GARIN1A: variants seen among roughly 807,000 people sequenced by gnomAD.
GARIN1A encodes golgi associated RAB2 interactor 1A.
chr7:128,702,319 A>G, the GARIN1A span, among the ~76,000 whole-genome samples: 1 of 152,234 alleles, frequency 6.6e-6, no homozygotes, highest in Admixed American at 6.5e-5. Flanking sequence ...TAGTGGCAAT[A>G]TATTATAGGT....
the GARIN1A span, among the ~76,000 whole-genome samples, chr7:128,696,776 G>GA: frequency 6.6e-6 from 1 of 152,340 alleles, no homozygotes; most frequent in Non-Finnish European, 1.5e-5. Context: ...ACCATGGCTG[G>GA]AGGGCACTAA....
the GARIN1A span, among the ~76,000 whole-genome samples, chr7:128,705,755 C>T: frequency 6.8e-6 from 1 of 148,116 alleles, no homozygotes; most frequent in African/African-American, 2.5e-5. Flanking sequence ...ACCTCCACCT[C>T]CCGGGCTCAG....
chr7:128,686,238 C>A, the GARIN1A span: 1 of 152,016 alleles, frequency 6.6e-6, no homozygotes, highest in Non-Finnish European at 1.5e-5. Flanking sequence ...AAAATAGTAA[C>A]CCCAATTGGT....
chr7:128,683,243 G>A, the GARIN1A span: 1 of 1,057,926 alleles, frequency 9.5e-7, no homozygotes, highest in Non-Finnish European at 1.3e-6. Context: ...TGAGCCAAGT[G>A]ACCTTGGGAG....
chr7:128,671,645 CAAA>C, the GARIN1A span, among the ~76,000 whole-genome samples: 22 of 120,204 alleles, frequency 1.8e-4, no homozygotes, highest in East Asian at 2.5e-4. Flanking sequence ...AACTCTGTCT[CAAA>C]AAAAAAAAAA....
chr7:128,686,951 C>T, the GARIN1A span: 2 of 152,206 alleles, frequency 1.3e-5, no homozygotes, highest in African/African-American at 4.8e-5. Flanking sequence ...TGACTAGACC[C>T]CTGCCTCTCT....
At chr7:128,707,323 A>C in the GARIN1A span, among the ~76,000 whole-genome samples, 1 of 151,992 alleles carries the variant, frequency 6.6e-6, no homozygotes, top group Non-Finnish European at 1.5e-5. Context: ...AGTGGTAGGC[A>C]TGATGCCTCA....
At chr7:128,675,802 A>G in the GARIN1A span, 1 of 1,613,678 alleles carries the variant, frequency 6.2e-7, no homozygotes, top group Non-Finnish European at 8.5e-7. Flanking sequence ...ACCTGGCCCC[A>G]GGGTCCATTT....
chr7:128,699,260 G>GCAC, the GARIN1A span, among the ~76,000 whole-genome samples: 1 of 105,016 alleles, frequency 9.5e-6, no homozygotes, highest in Non-Finnish European at 2.0e-5. Flanking sequence ...CATACCTGCT[G>GCAC]CCCCCCCCCC....
At chr7:128,695,208 AC>A in the GARIN1A span, among the ~76,000 whole-genome samples, 2 of 152,046 alleles carry the variant, frequency 1.3e-5, no homozygotes, top group Non-Finnish European at 2.9e-5. This position sits in a 1 kb window ranked among gnomAD's most constrained non-coding sequence, Gnocchi z 4.5. Flanking sequence ...GCCACTGTCC[AC>A]CCTCCACCAT....
chr7:128,684,414 G>A, the GARIN1A span: 40 of 152,080 alleles, frequency 2.6e-4, no homozygotes, highest in Non-Finnish European at 4.0e-4. Context: ...TCAGGACTTC[G>A]AGACCAGCCT....
chr7:128,694,673 T>C, the GARIN1A span, among the ~76,000 whole-genome samples: 4 of 152,256 alleles, frequency 2.6e-5, no homozygotes, highest in Admixed American at 2.6e-4. Context: ...TTTTCCTCTC[T>C]GAGCATAAGA....
the GARIN1A span, chr7:128,708,920 C>G: frequency 2.6e-5 from 4 of 152,192 alleles, no homozygotes; most frequent in Non-Finnish European, 5.9e-5. Context: ...CATGGCCACC[C>G]AGTGAAAAGC....
chr7:128,690,916 T>C, the GARIN1A span: 4 of 152,212 alleles, frequency 2.6e-5, no homozygotes, highest in East Asian at 5.8e-4. Flanking sequence ...AAAGATCAAA[T>C]TGATGGAATA....
At chr7:128,672,548 C>A in the GARIN1A span, 1 of 1,606,004 alleles carries the variant, frequency 6.2e-7, no homozygotes, top group Non-Finnish European at 8.5e-7. Flanking sequence ...CAACTTTATC[C>A]AGGTACCCTC....
At chr7:128,677,437 G>T in the GARIN1A span, 2 of 1,052,626 alleles carry the variant, frequency 1.9e-6, no homozygotes, top group Admixed American at 6.8e-5. Context: ...AACCCCGGGG[G>T]CAGAGCCTGC....
the GARIN1A span, among the ~76,000 whole-genome samples, chr7:128,675,282 TCC>T: frequency 3.9e-5 from 6 of 152,310 alleles, no homozygotes; most frequent in Middle Eastern, 3.4e-3. Context: ...AACAGCTTTT[TCC>T]TCACTTTCCT....
the GARIN1A span, among the ~76,000 whole-genome samples, chr7:128,701,336 AGGGGAGGGGGAG>A: frequency 1.6e-5 from 1 of 62,778 alleles, no homozygotes; most frequent in Non-Finnish European, 3.2e-5. Context: ...GGGGGAGGGG[AGGGGAGGGGGAG>A]GGGAGGGGAA....
At chr7:128,686,437 G>A in the GARIN1A span, 1 of 152,012 alleles carries the variant, frequency 6.6e-6, no homozygotes, top group Non-Finnish European at 1.5e-5. Context: ...CTTGCTTAAG[G>A]TCACACAGGT....
Sources: gnomAD v4.1 joint callset for allele counts (sites outside exome capture counted in the v4.1 genomes callset) on GRCh38, gnomAD v4.1.1 for gene constraint, Gnocchi (gnomAD v3.1) non-coding constraint, MANE v1.5 for transcripts, NCBI Gene and HGNC (gene_info 2026-07-23, HGNC 2026-07-21) for gene names.